The following RBPMS variants were observed in gnomAD, a reference collection of about 807,000 sequenced individuals.
RBPMS encodes the protein RNA-binding protein with multiple splicing.
Under a neutral mutation model 26.8 loss-of-function variants are expected in RBPMS, and 7 were observed. That is an observed-to-expected ratio of 0.26 (90% CI 0.15 to 0.49). The LOEUF is 0.49. RBPMS is among the 20% of genes least tolerant of loss of function. The pLI, the probability that RBPMS is intolerant of heterozygous loss-of-function variation, is 0.98. For missense variants in RBPMS, 186 were observed against 250.0 expected, an observed-to-expected ratio of 0.74 and a Z score of 1.73; for synonymous variants, 96 against 93.3, an observed-to-expected ratio of 1.03 and a Z score of -0.17.
At chr8:30,389,697 A>G (rs1357253907) in intron 1 of RBPMS, among the ~76,000 whole-genome samples, 1 of 152,216 alleles carries the variant, frequency 6.6e-6, no homozygotes, top group Non-Finnish European at 1.5e-5. Flanking sequence ...CTAACATGGG[A>G]AACTGCTAAC....
At chr8:30,509,053 C>T (rs1821329888) in intron 5 of RBPMS, among the ~76,000 whole-genome samples, 1 of 152,138 alleles carries the variant, frequency 6.6e-6, no homozygotes, top group Non-Finnish European at 1.5e-5. Flanking sequence ...TTCTGCAGGT[C>T]TGGGCTAGGA....
At chr8:30,425,104 C>T (rs867416281) in intron 1 of RBPMS, among the ~76,000 whole-genome samples, 1 of 152,050 alleles carries the variant, frequency 6.6e-6, no homozygotes, top group Admixed American at 6.5e-5. Flanking sequence ...TACAGGCATG[C>T]ATCACCACGC....
intron 1 of RBPMS, among the ~76,000 whole-genome samples, chr8:30,413,767 C>T (rs1453303173): frequency 6.6e-6 from 1 of 152,192 alleles, no homozygotes; most frequent in Admixed American, 6.5e-5. Flanking sequence ...GCATGTGCCA[C>T]CACGCCTGGC....
intron 6 of RBPMS, chr8:30,553,760 C>G (rs1456463277): frequency 6.6e-6 from 1 of 152,140 alleles, no homozygotes; most frequent in Non-Finnish European, 1.5e-5. Context: ...ACAACTTGTT[C>G]AAGCTACTGT....
chr8:30,513,619 G>A (rs1821972249), intron 5 of RBPMS, among the ~76,000 whole-genome samples: 1 of 142,528 alleles, frequency 7.0e-6, no homozygotes, highest in East Asian at 2.0e-4. Context: ...AAAAAAATCA[G>A]GGACTCGAAT....
chr8:30,391,480 A>G (rs1807785873), intron 1 of RBPMS, among the ~76,000 whole-genome samples: 2 of 152,190 alleles, frequency 1.3e-5, no homozygotes, highest in Admixed American at 1.3e-4. Context: ...AAAACTTAGG[A>G]AGGAATGAGG....
intron 4 of RBPMS, among the ~76,000 whole-genome samples, chr8:30,481,878 A>G (rs1818321249): frequency 6.6e-6 from 1 of 152,220 alleles, no homozygotes; most frequent in African/African-American, 2.4e-5. Context: ...ACAGACGTGG[A>G]GAGGATGGGT....
intron 5 of RBPMS, among the ~76,000 whole-genome samples, chr8:30,529,982 T>C (rs556958101): frequency 7.4e-4 from 112 of 152,260 alleles, no homozygotes; most frequent in Middle Eastern, 3.4e-3. Flanking sequence ...CTCGAACTCC[T>C]GACCTCAGGT....
intron 5 of RBPMS, among the ~76,000 whole-genome samples, chr8:30,511,187 C>T (rs894166244): frequency 1.3e-5 from 2 of 151,940 alleles, no homozygotes; most frequent in Admixed American, 6.6e-5. Context: ...TGGCAGCGCT[C>T]ACCTGTAATC....
intron 5 of RBPMS, among the ~76,000 whole-genome samples, chr8:30,534,115 A>G (rs1336455190): frequency 6.8e-6 from 1 of 146,732 alleles, no homozygotes; most frequent in Non-Finnish European, 1.5e-5. Flanking sequence ...CCCGGGTGAC[A>G]GCACGAGACT....
At chr8:30,439,500 CAA>C (rs1404379283) in intron 1 of RBPMS, among the ~76,000 whole-genome samples, 2 of 152,208 alleles carry the variant, frequency 1.3e-5, no homozygotes, top group East Asian at 1.9e-4. Flanking sequence ...GTGAGGGTCT[CAA>C]AGAAGGAATG....
chr8:30,519,467 T>C (rs1216309270), intron 5 of RBPMS, among the ~76,000 whole-genome samples: 3 of 1,568 alleles, frequency 1.9e-3, no homozygotes, highest in Non-Finnish European at 0.017. Context: ...TCTTTTTTTT[T>C]TTTTTTTTTT....
In RBPMS at chr8:30,476,187, T is replaced by C. The variant is rs534355428; in HGVS notation, c.144+1331T>C. Among the ~76,000 whole-genome samples, 5 of 117,716 alleles carry C rather than the reference T, an allele frequency of 4.2e-5. No homozygotes were observed. In the Admixed American group the frequency reaches 4.8e-4, roughly 11 times the overall value. 77.2% of individuals were successfully genotyped at this position (117,716 alleles called of 152,430 possible). A position where few individuals can be genotyped will look rare whatever the true frequency, so the allele number is the denominator to read the frequency against. The stretch of plus-strand genomic sequence containing the variant: ...TTTCAAGTGGGTGAGTCTCATTTTT[T>C]CAAATGAGGAAAATGAAACTTGGAG... On this transcript the variant is annotated intron_variant, in intron 2 of 8. Transcript: ENST00000397323.
chr8:30,468,728 G>A (rs935237304), intron 1 of RBPMS, among the ~76,000 whole-genome samples: 2 of 152,104 alleles, frequency 1.3e-5, no homozygotes, highest in Non-Finnish European at 2.9e-5. Flanking sequence ...CCATAGAAAG[G>A]TTTCATCTGT....
intron 5 of RBPMS, among the ~76,000 whole-genome samples, chr8:30,510,081 G>A (rs770809551): frequency 4.6e-5 from 7 of 152,070 alleles, no homozygotes; most frequent in Admixed American, 3.9e-4. Context: ...GGCTCAGTAG[G>A]GCCGAAAATA....
chr8:30,541,772 G>A (rs79282429), intron 5 of RBPMS, among the ~76,000 whole-genome samples: 1 of 152,318 alleles, frequency 6.6e-6, no homozygotes, highest in Non-Finnish European at 1.5e-5. Context: ...TCAGGGCCTT[G>A]CCTGCTCCTT....
At chr8:30,554,463 T>G (rs1213280596) in intron 6 of RBPMS, among the ~76,000 whole-genome samples, 1 of 152,238 alleles carries the variant, frequency 6.6e-6, no homozygotes, top group Non-Finnish European at 1.5e-5. Context: ...GAGCCATTAC[T>G]GTGCCCACAC....
chr8:30,446,496 AATAGTGCGTGT>A (rs1464466519), intron 1 of RBPMS, among the ~76,000 whole-genome samples: 4 of 152,212 alleles, frequency 2.6e-5, no homozygotes, highest in African/African-American at 9.7e-5. Flanking sequence ...TAGAATCCCT[AATAGTGCGTGT>A]ATGTGTGTGC....
At chr8:30,423,693 A>T (rs1376303138) in intron 1 of RBPMS, among the ~76,000 whole-genome samples, 1 of 152,056 alleles carries the variant, frequency 6.6e-6, no homozygotes, top group African/African-American at 2.4e-5. Flanking sequence ...AGTAAATCTT[A>T]GTTTAGTTTT....
Sources: allele counts gnomAD v4.1 joint callset (sites outside exome capture counted in the v4.1 genomes callset), GRCh38; gene constraint gnomAD v4.1.1; transcripts MANE v1.5; gene names NCBI Gene and HGNC (gene_info 2026-07-23, HGNC 2026-07-21).